Variants in DGKB observed in about 807,000 individuals in gnomAD.
DGKB encodes the protein 90 kDa diacylglycerol kinase.
Under a neutral mutation model 114.3 loss-of-function variants are expected in DGKB, and 67 were observed. The ratio of observed to expected loss-of-function variants is 0.59; its 90% CI spans 0.48 to 0.72. The LOEUF (loss-of-function observed/expected upper bound fraction) is 0.72. DGKB is among the 30% of genes least tolerant of loss of function. The pLI, the probability that DGKB is intolerant of heterozygous loss-of-function variation, is 0.00. For synonymous variants in DGKB, 398 were observed against 323.1 expected (o/e 1.23, Z -2.49); for missense variants, 907 against 975.2 (o/e 0.93, Z 0.93).
upstream of DGKB, among the ~76,000 whole-genome samples, chr7:14,905,631 T>C (rs372407764): frequency 3.9e-5 from 6 of 152,280 alleles, no homozygotes; most frequent in African/African-American, 1.4e-4. Flanking sequence ...TTCATCTACA[T>C]CTCCTTCATC....
At chr7:14,945,125 C>T (rs568638518) in intron 1 of DGKB, among the ~76,000 whole-genome samples, 22 of 151,528 alleles carry the variant, frequency 1.5e-4, no homozygotes, top group East Asian at 5.8e-4. Flanking sequence ...AAATAAATTG[C>T]GGTATAATTC....
At chr7:14,852,491 A>AAAAAAAAAACAAAACAAAAC (rs1176182452) in intron 1 of DGKB, among the ~76,000 whole-genome samples, 6 of 149,484 alleles carry the variant, frequency 4.0e-5, no homozygotes, top group Non-Finnish European at 7.4e-5. Context: ...GAAAGTCAAA[A>AAAAAAAAAACAAAACAAAAC]AAAAAACAGA....
intron 23 of DGKB, among the ~76,000 whole-genome samples, chr7:14,233,405 A>G (rs1410866978): frequency 6.6e-6 from 1 of 152,016 alleles, no homozygotes; most frequent in African/African-American, 2.4e-5. Context: ...ATTTCATGCC[A>G]GTGTCCTTTG....
chr7:14,878,077 AC>A (rs1326990362), intron 1 of DGKB, among the ~76,000 whole-genome samples: 4 of 151,996 alleles, frequency 2.6e-5, no homozygotes, highest in Non-Finnish European at 4.4e-5. Flanking sequence ...AAAAAAGCCA[AC>A]AGCATTTTAT....
chr7:14,597,989 C>T (rs533241312), intron 17 of DGKB, among the ~76,000 whole-genome samples: 20 of 152,190 alleles, frequency 1.3e-4, no homozygotes, highest in South Asian at 8.3e-4. Flanking sequence ...TTAGAAATCA[C>T]GTTTTTGCCA....
chr7:14,206,729 T>C (rs1032371943), intron 23 of DGKB, among the ~76,000 whole-genome samples: 11 of 152,058 alleles, frequency 7.2e-5, no homozygotes, highest in Admixed American at 1.3e-4. Context: ...GGTTGCCTCA[T>C]TGGATTGCTG....
At chr7:14,338,800 T>C (rs1052454095) in intron 22 of DGKB, 90 bp from the exon 23 acceptor site, 3 of 806,284 alleles carry the variant, frequency 3.7e-6, no homozygotes, top group Non-Finnish European at 5.3e-6. Context: ...TTTTAATAAG[T>C]GCGTTGAAAT....
chr7:14,653,362 G>A (rs1412939578), intron 13 of DGKB, among the ~76,000 whole-genome samples: 1 of 151,986 alleles, frequency 6.6e-6, no homozygotes, highest in African/African-American at 2.4e-5. Flanking sequence ...GTAGGGACAT[G>A]GATGAAATTG....
chr7:14,468,898 A>T (rs28373649), intron 21 of DGKB, among the ~76,000 whole-genome samples: 8,956 of 152,140 alleles, frequency 0.059, 862 homozygotes, highest in African/African-American at 0.2. Context: ...ATGCAAATTC[A>T]TGTAAAGTAA....
At chr7:14,924,649 G>C (rs912347990) in intron 1 of DGKB, among the ~76,000 whole-genome samples, 1 of 151,858 alleles carries the variant, frequency 6.6e-6, no homozygotes, top group African/African-American at 2.4e-5. Context: ...ATCCATCAAA[G>C]GTTTCCAATT....
chr7:14,316,114 T>A (rs1806449817), intron 23 of DGKB, among the ~76,000 whole-genome samples: 1 of 151,010 alleles, frequency 6.6e-6, no homozygotes, highest in Non-Finnish European at 1.5e-5. Context: ...TACCAGAATC[T>A]CTGGGATGCA....
At chr7:14,895,758 A>C (rs217589) in intron 1 of DGKB, among the ~76,000 whole-genome samples, 2 of 151,520 alleles carry the variant, frequency 1.3e-5, no homozygotes, top group African/African-American at 2.4e-5. Flanking sequence ...GATAGTTTTC[A>C]TATCTCTATA....
At chr7:14,907,269 T>G (rs1376436882), upstream of DGKB, among the ~76,000 whole-genome samples, 1 of 152,204 alleles carries the variant, frequency 6.6e-6, no homozygotes, top group African/African-American at 2.4e-5. Context: ...ACAAAATAGA[T>G]CACCATCACT....
chr7:14,425,641 G>A (rs967193966), intron 21 of DGKB, among the ~76,000 whole-genome samples: 1 of 152,128 alleles, frequency 6.6e-6, no homozygotes, highest in Non-Finnish European at 1.5e-5. Flanking sequence ...TTGATTACAA[G>A]AGCAATGTCT....
intron 1 of DGKB, among the ~76,000 whole-genome samples, chr7:14,919,829 G>A (rs954251556): frequency 5.9e-5 from 9 of 152,048 alleles, no homozygotes; most frequent in African/African-American, 2.2e-4. Flanking sequence ...TGAGCTTGTT[G>A]TTTAACCTCC....
intron 1 of DGKB, among the ~76,000 whole-genome samples, chr7:14,928,446 A>T (rs1784849605): frequency 6.6e-6 from 1 of 151,928 alleles, no homozygotes; most frequent in Non-Finnish European, 1.5e-5. Context: ...ACATATTTTT[A>T]TGTTACAGAA....
intron 22 of DGKB, among the ~76,000 whole-genome samples, chr7:14,340,990 T>C (rs920802390): frequency 7.9e-5 from 12 of 151,406 alleles, no homozygotes; most frequent in Admixed American, 7.9e-4. Context: ...GAGGCTTCTT[T>C]TTTTTTTAAA....
At chr7:14,613,177 T>C (rs1490780444) in intron 16 of DGKB, among the ~76,000 whole-genome samples, 163 bp downstream of exon 16, 2 of 152,148 alleles carry the variant, frequency 1.3e-5, no homozygotes, top group Non-Finnish European at 2.9e-5. Flanking sequence ...AAAATTTCAA[T>C]CCTAAAAACA....
chr7:14,582,713 G>A (rs77064937), intron 18 of DGKB, among the ~76,000 whole-genome samples: 29 of 152,096 alleles, frequency 1.9e-4, no homozygotes, highest in Non-Finnish European at 3.5e-4. Flanking sequence ...CATCAATTTC[G>A]CACAGACTTT....
Sources: allele counts gnomAD v4.1 joint callset (sites outside exome capture counted in the v4.1 genomes callset), GRCh38; gene constraint gnomAD v4.1.1; transcripts MANE v1.5; gene names NCBI Gene and HGNC (gene_info 2026-07-23, HGNC 2026-07-21).